Variants in EML6 observed in about 807,000 individuals in gnomAD.
EML6 encodes the protein EMAP like 6.
A neutral mutation model predicts 240.1 loss-of-function variants in EML6; 154 were observed. The observed-to-expected ratio is 0.64, with a 90% CI of 0.56 to 0.73. The LOEUF is 0.73. EML6 is among the 30% of genes least tolerant of loss of function. EML6 has a pLI of 0.00. For missense variants in EML6, 2,964 were observed against 2,474.6 expected (o/e 1.20, Z -4.20); for synonymous variants, 1,148 against 899.0 (o/e 1.28, Z -4.95).
intron 2 of EML6, among the ~76,000 whole-genome samples, chr2:54,798,023 T>C (rs1008000443): frequency 1.3e-5 from 2 of 152,210 alleles, no homozygotes; most frequent in Non-Finnish European, 2.9e-5. Context: ...GTTTGTCAAT[T>C]TCTATAAAAA....
intron 2 of EML6, among the ~76,000 whole-genome samples, chr2:54,804,126 A>G (rs1020310487): frequency 6.6e-6 from 1 of 152,276 alleles, no homozygotes; most frequent in African/African-American, 2.4e-5. Flanking sequence ...AGAATGCTCC[A>G]GGAGCAGTAC....
intron 21 of EML6, among the ~76,000 whole-genome samples, chr2:54,898,573 G>T (rs900779443): frequency 2.0e-5 from 3 of 152,174 alleles, no homozygotes; most frequent in Non-Finnish European, 2.9e-5. Flanking sequence ...TTGAATGTCA[G>T]TTGTATTTGG....
At chr2:54,784,081 G>T (rs1201050226) in intron 2 of EML6, among the ~76,000 whole-genome samples, 1 of 152,002 alleles carries the variant, frequency 6.6e-6, no homozygotes, top group African/African-American at 2.4e-5. Context: ...TAAGTAGCTA[G>T]GACTACAGGC....
intron 7 of EML6, among the ~76,000 whole-genome samples, chr2:54,833,890 C>T (rs1270273067): frequency 1.3e-5 from 2 of 152,170 alleles, no homozygotes; most frequent in Admixed American, 6.5e-5. Flanking sequence ...ATAACTAATT[C>T]GGCAGCAAAA....
intron 5 of EML6, among the ~76,000 whole-genome samples, chr2:54,824,149 C>A (rs1668474902): frequency 6.6e-6 from 1 of 152,116 alleles, no homozygotes; most frequent in Non-Finnish European, 1.5e-5. Context: ...ATAGAATTCT[C>A]CTGATTCCTT....
chr2:54,892,597 C>T lies in EML6; in HGVS notation c.2683C>T (p.Leu895=), dbSNP rs530435747. The part of the protein sequence containing the change: ...GDIFIWKDIL[L]LKTVKAHDGP... ...TATTTTTATTTGGAAAGACATTCTA[C>T]TACTGAAGACAGTGAAAGCTCATGA... The change falls in exon 19 of 42, where the codon CTA becomes TTA. Residue 895 remains leucine, a synonymous_variant. Transcript: ENST00000356458. 4.1e-5 allele frequency: 63 copies of T among 1,551,716 alleles called. No homozygotes were observed. Among genetic ancestry groups the T allele is most frequent in the Middle Eastern group, 1.7e-4 (1 of 5,996 alleles).
Position 54,853,147 on chromosome 2 carries a change from G to A in EML6, c.1445-496G>A, listed in dbSNP as rs187959635. On this transcript the variant is annotated intron_variant, in intron 10 of 41. Transcript: ENST00000356458. ...GAGCATCCTTAAATTATGAAAAATA[G>A]AAGTTCAGGATGAACTTAGCCAAAG... 5.3e-5 allele frequency among the ~76,000 whole-genome samples: 8 copies of A among 152,140 alleles called. 1 individual carries two copies. In the East Asian group the frequency reaches 1.5e-3, roughly 29 times the overall value.
chr2:54,891,088 A>G lies in EML6; in HGVS notation c.2473A>G (p.Asn825Asp). 1.3e-6 allele frequency: 2 copies of G among 1,509,708 alleles called. No homozygotes were observed. The highest frequency in any genetic ancestry group is 1.2e-5 in the South Asian group (1 of 80,004). 93.5% of individuals were successfully genotyped at this position (1,509,708 alleles called of 1,614,324 possible). Residue 825 changes from asparagine (N) to aspartate (D), a missense_variant, in exon 18 of 42, where the codon AAC (asparagine) becomes GAC (aspartate). Physicochemically the swap from Asn to Asp is conservative, Grantham distance 23. Transcript: ENST00000356458. ...HKDKIFVVKC[N>D]PHHVDKLVTV... ...AGATAAGATATTTGTGGTAAAGTGTAACCCACACCATGTTGACAAACTGGT... is the reference window on the plus strand; with the variant it reads ...AGATAAGATATTTGTGGTAAAGTGTGACCCACACCATGTTGACAAACTGGT...
At chr2:54,771,733 A>AG (rs1668409662) in intron 2 of EML6, among the ~76,000 whole-genome samples, 1 of 152,254 alleles carries the variant, frequency 6.6e-6, no homozygotes, top group Non-Finnish European at 1.5e-5. Flanking sequence ...CTGTTAACTG[A>AG]GGTAGTGTCC....
At chr2:54,826,413 A>G (rs1252808633) in intron 5 of EML6, among the ~76,000 whole-genome samples, 2 of 152,250 alleles carry the variant, frequency 1.3e-5, no homozygotes, top group South Asian at 2.1e-4. Context: ...AGCCTGGCCA[A>G]CATGGTGAAA....
intron 2 of EML6, among the ~76,000 whole-genome samples, chr2:54,776,335 A>C (rs1390978000): frequency 6.6e-6 from 1 of 151,986 alleles, no homozygotes; most frequent in African/African-American, 2.4e-5. Flanking sequence ...TGCCTGTAAA[A>C]CTGCCTGGGC....
At chr2:54,953,158 A>G (rs867636841) in intron 31 of EML6, among the ~76,000 whole-genome samples, 23 of 152,236 alleles carry the variant, frequency 1.5e-4, no homozygotes, top group African/African-American at 4.8e-4. Flanking sequence ...GCTTGTTTTC[A>G]TTGAATCATG....
intron 2 of EML6, among the ~76,000 whole-genome samples, chr2:54,783,967 G>T (rs994980148): frequency 5.3e-5 from 8 of 151,164 alleles, no homozygotes; most frequent in Admixed American, 1.3e-4. Context: ...ATTTTTTTTT[G>T]AGATAAGGTC....
At chr2:54,793,687 G>C (rs942163709) in intron 2 of EML6, among the ~76,000 whole-genome samples, 2 of 152,038 alleles carry the variant, frequency 1.3e-5, no homozygotes, top group Non-Finnish European at 2.9e-5. Context: ...GGAAACATTG[G>C]CCAGTTTTCC....
chr2:54,779,366 C>G (rs1668743152), intron 2 of EML6, among the ~76,000 whole-genome samples: 1 of 151,162 alleles, frequency 6.6e-6, no homozygotes, highest in African/African-American at 2.5e-5. Flanking sequence ...TGGTGAAACC[C>G]TGTCTCTACT....
chr2:54,896,309 T>C (rs780279030), intron 21 of EML6, among the ~76,000 whole-genome samples: 3 of 152,236 alleles, frequency 2.0e-5, no homozygotes, highest in African/African-American at 4.8e-5. Context: ...ACATGCCAGA[T>C]GCACCTGTGC....
chr2:54,897,604 T>C (rs1297845032), intron 21 of EML6, among the ~76,000 whole-genome samples: 1 of 152,182 alleles, frequency 6.6e-6, no homozygotes, highest in African/African-American at 2.4e-5. Flanking sequence ...GGAAAGCCCC[T>C]GAGCTATGGG....
At chr2:54,967,141 C>A in intron 39 of EML6, 38 bp downstream of exon 39, 1 of 1,356,430 alleles carries the variant, frequency 7.4e-7, no homozygotes, top group Non-Finnish European at 1.0e-6. Context: ...GAAAAGGTCA[C>A]AAGGGAGTCT....
At chr2:54,733,916 C>T (rs1326607651) in intron 2 of EML6, among the ~76,000 whole-genome samples, 1 of 152,074 alleles carries the variant, frequency 6.6e-6, no homozygotes, top group Non-Finnish European at 1.5e-5. Flanking sequence ...AACTTTACTA[C>T]AGAAGGTGGA....
Sources: gnomAD v4.1 joint callset for allele counts (sites outside exome capture counted in the v4.1 genomes callset) on GRCh38, gnomAD v4.1.1 for gene constraint, MANE v1.5 for transcripts, NCBI Gene and HGNC (gene_info 2026-07-23, HGNC 2026-07-21) for gene names.